Variants in OTOGL observed in about 807,000 individuals in gnomAD.
OTOGL encodes the protein otogelin-like protein.
In OTOGL, 285 loss-of-function variants were observed where a neutral mutation model predicts 318.5. That is an observed-to-expected ratio of 0.89 (90% CI 0.81 to 0.99). OTOGL has a LOEUF of 0.99. OTOGL is among the 50% of genes least tolerant of loss of function. OTOGL has a pLI of 0.00. For missense variants in OTOGL, 2,899 were observed against 2,845.6 expected (o/e 1.02, Z -0.43); for synonymous variants, 987 against 936.5 (o/e 1.05, Z -0.99).
intron 1 of OTOGL, among the ~76,000 whole-genome samples, chr12:80,124,100 G>A (rs1199080882): frequency 4.6e-5 from 7 of 152,168 alleles, no homozygotes; most frequent in Admixed American, 4.6e-4. Context: ...TTTTAGACAT[G>A]AAGTCCTTGC....
In OTOGL at chr12:80,233,606, T is replaced by A. The variant is rs184461791; in HGVS notation, c.817+509T>A. ...AGTTGAATAGTAACTTGGAAAGGTTTTATATACCTACCAGATCATGTATTA... is the reference window on the plus strand; with the variant it reads ...AGTTGAATAGTAACTTGGAAAGGTTATATATACCTACCAGATCATGTATTA... On this transcript the variant is annotated intron_variant, in intron 9 of 58. Transcript: ENST00000547103. Among the ~76,000 whole-genome samples, 493 of 152,340 alleles carry A rather than the reference T, an allele frequency of 3.2e-3. 4 individuals are homozygous for A. Among genetic ancestry groups the A allele is most frequent in the African/African-American group, 0.011 (465 of 41,568 alleles).
chr12:80,249,618 G>T (rs1881293665), intron 11 of OTOGL, among the ~76,000 whole-genome samples: 1 of 152,112 alleles, frequency 6.6e-6, no homozygotes, highest in South Asian at 2.1e-4. Flanking sequence ...CTGTCTTTTT[G>T]TTTGTCTGTG....
rs767355057 is a variant in OTOGL at position 80,320,516 on chromosome 12, G to T, written c.3897G>T (p.Ala1299=). Residue 1299 remains alanine (A), a synonymous_variant, in exon 34 of 59, where the codon GCG becomes GCT. Transcript: ENST00000547103. ...CTCTTAGCTTGGAGCTGTGGGAGGC[G>T]AATTCAGCCTTTCATCGGAGAGCAA... The part of the protein sequence containing the change: ...NDTLSLELWE[A]NSAFHRRATF... 4 of 1,613,568 alleles carry T rather than the reference G, an allele frequency of 2.5e-6. No homozygotes were observed. The highest frequency in any genetic ancestry group is 2.5e-6 in the Non-Finnish European group (3 of 1,179,708).
At chr12:80,309,835 T>C (rs949760328) in intron 29 of OTOGL, among the ~76,000 whole-genome samples, 3 of 152,136 alleles carry the variant, frequency 2.0e-5, no homozygotes, top group Non-Finnish European at 2.9e-5. Flanking sequence ...ATGTTAGTTC[T>C]GAAATTCAGG....
intron 1 of OTOGL, among the ~76,000 whole-genome samples, chr12:80,171,212 T>TA (rs1430471404): frequency 6.6e-6 from 1 of 152,012 alleles, no homozygotes; most frequent in Admixed American, 6.6e-5. Context: ...AGATGGGACT[T>TA]ACAAGAATGC....
intron 1 of OTOGL, among the ~76,000 whole-genome samples, chr12:80,124,139 T>G (rs574332995): frequency 6.6e-6 from 1 of 152,362 alleles, no homozygotes; most frequent in Non-Finnish European, 1.5e-5. Flanking sequence ...TGGTGTTGCC[T>G]AGGTTTTCTT....
intron 57 of OTOGL, among the ~76,000 whole-genome samples, chr12:80,376,523 C>T (rs913779648): frequency 6.6e-6 from 1 of 152,078 alleles, no homozygotes; most frequent in Non-Finnish European, 1.5e-5. Context: ...ATTAAGATAT[C>T]ATGAATGCAT....
intron 1 of OTOGL, among the ~76,000 whole-genome samples, chr12:80,190,012 C>G (rs1186086599): frequency 1.3e-5 from 2 of 152,178 alleles, no homozygotes; most frequent in Non-Finnish European, 2.9e-5. Flanking sequence ...CTGACCCTGA[C>G]CACAGCATCT....
chr12:80,170,193 GTGTGTGTGTGTGTGTGTGTGTATGTA>G (rs1430466484), intron 1 of OTOGL, among the ~76,000 whole-genome samples: 178 of 132,870 alleles, frequency 1.3e-3, no homozygotes, highest in African/African-American at 6.1e-3. Context: ...GTGTGTGTGT[GTGTGTGTGTGTGTGTGTGTGTATGTA>G]TGTGTGTGTG....
At chr12:80,187,503 A>T (rs558190553) in intron 1 of OTOGL, among the ~76,000 whole-genome samples, 2 of 152,328 alleles carry the variant, frequency 1.3e-5, no homozygotes, top group Admixed American at 1.3e-4. Flanking sequence ...TTCCGAGTGG[A>T]TGCCATCTCC....
At chr12:80,165,315 T>G (rs1360125398) in intron 1 of OTOGL, among the ~76,000 whole-genome samples, 1 of 152,208 alleles carries the variant, frequency 6.6e-6, no homozygotes, top group African/African-American at 2.4e-5. Context: ...GCTGTGGACA[T>G]ATATACCATT....
chr12:80,252,615 G>A (rs1881673266), intron 13 of OTOGL, among the ~76,000 whole-genome samples: 1 of 152,116 alleles, frequency 6.6e-6, no homozygotes, highest in South Asian at 2.1e-4. Flanking sequence ...AGAGAGGTAG[G>A]ATTTAAAATT....
chr12:80,203,899 A>C (rs1323450089), intron 1 of OTOGL, among the ~76,000 whole-genome samples: 5 of 152,222 alleles, frequency 3.3e-5, no homozygotes, highest in Admixed American at 3.3e-4. Flanking sequence ...TGCTTCTAAT[A>C]GGTTCGCTAG....
chr12:80,257,962 C>A lies in OTOGL; in HGVS notation c.1849C>A (p.Leu617Met). ...TSAWKRRTLG[L>M]CGTFNGNIRD... ...CGCATGGAAAAGAAGAACATTAGGTCTGTGTGGCACTTTTAATGGCAACAT... is the reference window on the plus strand; with the variant it reads ...CGCATGGAAAAGAAGAACATTAGGTATGTGTGGCACTTTTAATGGCAACAT... Residue 617 changes from leucine to methionine, a missense_variant, in exon 18 of 59, where the codon CTG becomes ATG. Leu to Met is a conservative substitution (Grantham distance 15). Around this residue, in one of 3 missense-constraint regions of OTOGL, gnomAD observed 2,607 missense variants for 2,524.9 expected, o/e 1.03. Transcript: ENST00000547103. 1 of 1,594,244 alleles carries A rather than the reference C, an allele frequency of 6.3e-7. No homozygotes were observed. The highest frequency in any genetic ancestry group is 1.1e-5 in the South Asian group (1 of 89,968).
intron 37 of OTOGL, among the ~76,000 whole-genome samples, chr12:80,331,417 T>C (rs1384451772): frequency 1.4e-5 from 2 of 139,682 alleles, no homozygotes; most frequent in African/African-American, 2.6e-5. Flanking sequence ...CTTGGCTCAC[T>C]GCAACCTCCA....
At chr12:80,102,867 C>A in intron 1 of OTOGL, 1 of 752,870 alleles carries the variant, frequency 1.3e-6, no homozygotes, top group Non-Finnish European at 2.4e-6. Flanking sequence ...TCCTTTGTTT[C>A]AAGTTTTAAT....
At chr12:80,351,775 C>G (rs892283690) in intron 44 of OTOGL, among the ~76,000 whole-genome samples, 9 of 151,936 alleles carry the variant, frequency 5.9e-5, no homozygotes, top group Admixed American at 2.6e-4. Context: ...TCAGGTGTCT[C>G]TAGATCAAAA....
intron 1 of OTOGL, among the ~76,000 whole-genome samples, chr12:80,175,780 T>G (rs1394178551): frequency 6.6e-6 from 1 of 152,198 alleles, no homozygotes; most frequent in Non-Finnish European, 1.5e-5. Flanking sequence ...CACTTAGAAG[T>G]AGCTCTTGTC....
intron 1 of OTOGL, among the ~76,000 whole-genome samples, chr12:80,116,602 C>T (rs925680449): frequency 1.3e-5 from 2 of 151,976 alleles, no homozygotes; most frequent in Non-Finnish European, 2.9e-5. Context: ...TAGTCTAGGT[C>T]CCCCAGAAAA....
Sources: allele counts gnomAD v4.1 joint callset (sites outside exome capture counted in the v4.1 genomes callset), GRCh38; gene constraint gnomAD v4.1.1; regional missense constraint gnomAD v4.1.1; transcripts MANE v1.5; gene names NCBI Gene and HGNC (gene_info 2026-07-23, HGNC 2026-07-21).